The following CHODL variants were observed in gnomAD, a reference collection of about 807,000 sequenced individuals.
CHODL encodes the protein chondrolectin.
CHODL carries 29 observed loss-of-function variants against 34.5 expected under a neutral mutation model. The ratio of observed to expected loss-of-function variants is 0.84; its 90% CI spans 0.63 to 1.15. The LOEUF is 1.15. Ranked by LOEUF, CHODL falls within the 50% of genes most tolerant of loss-of-function variation. CHODL has a pLI of 0.00. For synonymous variants in CHODL, 125 were observed against 116.1 expected (o/e 1.08, Z -0.49); for missense variants, 332 against 332.5 (o/e 1.00, Z 0.01).
At chr21:18,128,701 G>T (rs1283382613) in intron 2 of CHODL, among the ~76,000 whole-genome samples, 1 of 152,100 alleles carries the variant, frequency 6.6e-6, no homozygotes, top group African/African-American at 2.4e-5. Context: ...AAGGAATAGA[G>T]AGTAAGTTGA....
intron 2 of CHODL, among the ~76,000 whole-genome samples, chr21:18,159,500 C>A (rs565950354): frequency 1.3e-5 from 2 of 151,966 alleles, no homozygotes; most frequent in Non-Finnish European, 2.9e-5. Flanking sequence ...ATTTGTTATA[C>A]GAACTCATGA....
intron 2 of CHODL, chr21:18,134,242 T>C (rs2072693132): frequency 2.1e-6 from 1 of 477,180 alleles, no homozygotes; most frequent in African/African-American, 1.9e-5. Context: ...GGTGTGCATA[T>C]GCCTCTGCCT....
At chr21:18,028,465 G>A (rs1333749000) in intron 2 of CHODL, among the ~76,000 whole-genome samples, 1 of 151,848 alleles carries the variant, frequency 6.6e-6, no homozygotes, top group Non-Finnish European at 1.5e-5. Flanking sequence ...GGGAGGCCAA[G>A]GTGGGTAGAT....
chr21:18,115,865 T>C (rs2824632), intron 2 of CHODL, among the ~76,000 whole-genome samples: 55,731 of 152,028 alleles, frequency 0.37, 11,384 homozygotes, highest in East Asian at 0.71. Context: ...CCTGTGTCTT[T>C]TTTCCCACTC....
rs182012290 is a variant in CHODL, at chr21:17,935,436, G to A, written c.-145+18036G>A. ...AACCACATATACCTTCCATTACTCC[G>A]TATTTCTTTTCCACAGCTCACAAGC... On this transcript the variant is annotated intron_variant, in intron 1 of 6. Transcript: ENST00000400127. Among the ~76,000 whole-genome samples the A allele has an allele frequency of 5.9e-5, 9 of 152,230 alleles. No individual in the cohort carries two copies. In the East Asian group the frequency reaches 7.7e-4, roughly 13 times the overall value.
chr21:18,264,914 G>A (rs968120622), intron 5 of CHODL, among the ~76,000 whole-genome samples: 5 of 151,964 alleles, frequency 3.3e-5, no homozygotes, highest in Non-Finnish European at 2.9e-5. Context: ...CCGGAGAAGC[G>A]ATGGGAGGAG....
intron 2 of CHODL, among the ~76,000 whole-genome samples, chr21:18,157,404 G>A (rs756968423): frequency 6.6e-6 from 1 of 152,294 alleles, no homozygotes; most frequent in Non-Finnish European, 1.5e-5. Flanking sequence ...TACATATTCT[G>A]ATAACAGTGA....
intron 2 of CHODL, among the ~76,000 whole-genome samples, chr21:18,197,347 A>T (rs956402801): frequency 6.6e-6 from 1 of 152,224 alleles, no homozygotes; most frequent in Non-Finnish European, 1.5e-5. Context: ...GCAGTGGCTC[A>T]TGCCTCTAAT....
intron 1 of CHODL, among the ~76,000 whole-genome samples, chr21:17,994,550 G>A (rs2063829638): frequency 6.6e-6 from 1 of 152,140 alleles, no homozygotes; most frequent in Admixed American, 6.5e-5. Context: ...CCTGTGGATG[G>A]CCCACACGTG....
intron 1 of CHODL, among the ~76,000 whole-genome samples, chr21:18,000,876 CT>C (rs921563733): frequency 6.6e-5 from 10 of 151,330 alleles, no homozygotes; most frequent in African/African-American, 2.2e-4. Flanking sequence ...TTTTCTTTTT[CT>C]TTTTTTTTCC....
Position 18,256,448 on chromosome 21 carries a change from T to TA in CHODL, c.80-60dup. ...TGACTGGTTCTTACATTTTGATTCT[T>TA]AGTGTTGTTACAAATAGAGTTCCGA... On this transcript the variant is annotated intron_variant, in intron 1 of 5. Transcript: ENST00000299295. 3 of 1,427,540 alleles carry TA rather than the reference T, an allele frequency of 2.1e-6. No individual in the cohort carries two copies. The Admixed American group carries it at 6.9e-5, about 33-fold the overall frequency. 88.4% of individuals were successfully genotyped at this position (1,427,540 alleles called of 1,614,324 possible). A position where few individuals can be genotyped will look rare whatever the true frequency, so the allele number is the denominator to read the frequency against.
At chr21:18,162,199 G>T (rs1304689990) in intron 2 of CHODL, among the ~76,000 whole-genome samples, 1 of 152,156 alleles carries the variant, frequency 6.6e-6, no homozygotes, top group Non-Finnish European at 1.5e-5. Flanking sequence ...CACAAAATGG[G>T]TGGCATAAAC....
chr21:18,251,734 T>TATTTATTTTAATATATAAAATAAA (rs1568958120), intron 1 of CHODL, among the ~76,000 whole-genome samples: 62 of 115,144 alleles, frequency 5.4e-4, no homozygotes, highest in Non-Finnish European at 7.0e-4. Context: ...AATATTTATT[T>TATTTATTTTAATATATAAAATAAA]TATTTATTTT....
intron 1 of CHODL, among the ~76,000 whole-genome samples, chr21:17,951,167 G>C (rs914517895): frequency 2.7e-5 from 4 of 150,902 alleles, no homozygotes; most frequent in African/African-American, 7.3e-5. Flanking sequence ...TTGTTTAGTG[G>C]CATGATTACT....
At chr21:17,985,340 GT>G (rs1361180601) in intron 1 of CHODL, among the ~76,000 whole-genome samples, 2 of 152,096 alleles carry the variant, frequency 1.3e-5, no homozygotes, top group African/African-American at 4.8e-5. Context: ...CCAACATTGA[GT>G]TATCTGCTTC....
At chr21:17,956,415 C>T (rs1299782639) in intron 1 of CHODL, among the ~76,000 whole-genome samples, 1 of 136,464 alleles carries the variant, frequency 7.3e-6, no homozygotes, top group African/African-American at 2.5e-5. Flanking sequence ...GAACTGTGAG[C>T]TAATTAAACC....
At chr21:18,229,307 AAT>A (rs1329760813) in intron 2 of CHODL, among the ~76,000 whole-genome samples, 1 of 152,144 alleles carries the variant, frequency 6.6e-6, no homozygotes, top group Non-Finnish European at 1.5e-5. Context: ...ACAATACTTC[AAT>A]GGCTTACATC....
At chr21:18,164,085 G>A (rs971412047) in intron 2 of CHODL, among the ~76,000 whole-genome samples, 3 of 152,112 alleles carry the variant, frequency 2.0e-5, no homozygotes, top group African/African-American at 7.2e-5. Flanking sequence ...AGTCATCCAG[G>A]CATCAGCACT....
chr21:17,945,935 G>T (rs1203977457), intron 1 of CHODL, among the ~76,000 whole-genome samples: 1 of 152,116 alleles, frequency 6.6e-6, no homozygotes, highest in Admixed American at 6.5e-5. Context: ...CCTGGAGAGA[G>T]TAGAATGATA....
Sources: gnomAD v4.1 joint callset for allele counts (sites outside exome capture counted in the v4.1 genomes callset) on GRCh38, gnomAD v4.1.1 for gene constraint, MANE v1.5 for transcripts, NCBI Gene and HGNC (gene_info 2026-07-23, HGNC 2026-07-21) for gene names.